Variants in NTAN1 observed in about 807,000 individuals in gnomAD.
The protein encoded by NTAN1 is N-terminal asparagine amidase.
A neutral mutation model predicts 41.9 loss-of-function variants in NTAN1; 32 were observed. That is an observed-to-expected ratio of 0.76 (90% CI 0.58 to 1.03). NTAN1 has a LOEUF of 1.03. Among genes scored for constraint, NTAN1 ranks in the 50% least tolerant of loss-of-function variants. The pLI is 0.00. For synonymous variants in NTAN1, 140 were observed against 139.5 expected (o/e 1.00, Z -0.03); for missense variants, 377 against 377.5 (o/e 1.00, Z 0.01).
intron 4 of NTAN1, chr16:15,047,143 C>G: frequency 2.4e-6 from 1 of 419,510 alleles, no homozygotes; most frequent in Non-Finnish European, 4.3e-6. Context: ...GCTACCACAC[C>G]CGGGGGAGAG....
Position 15,038,570 on chromosome 16 carries a change from T to C in NTAN1, c.753+4A>G. Reference sequence around the variant, plus strand: ...TAAGACTTACCCAGCCTGTAAACTCTCACCTCTAGTATTTGCTTGTCATCT... The same window carrying C: ...TAAGACTTACCCAGCCTGTAAACTCCCACCTCTAGTATTTGCTTGTCATCT... On this transcript the variant is annotated splice_donor_region_variant and intron_variant, in intron 9 of 9. Coordinates refer to ENST00000287706, the MANE Select transcript of NTAN1 (RefSeq NM_173474.4). 1 of 1,489,468 alleles carries C rather than the reference T, an allele frequency of 6.7e-7. No individual in the cohort carries two copies. The highest frequency in any genetic ancestry group is 2.3e-5 in the East Asian group (1 of 44,310). The allele number at this position is 1,489,468 out of a possible 1,614,324, so 92.3% of individuals were successfully genotyped here.
chr16:15,042,372 G>GA (rs1390260247), intron 5 of NTAN1, among the ~76,000 whole-genome samples: 1 of 151,638 alleles, frequency 6.6e-6, no homozygotes, highest in African/African-American at 2.4e-5. Flanking sequence ...TTTCAGTAGA[G>GA]ACAGATGGGG....
At chr16:15,046,755 G>A (rs1316573715) in intron 4 of NTAN1, among the ~76,000 whole-genome samples, 1 of 147,726 alleles carries the variant, frequency 6.8e-6, no homozygotes, top group East Asian at 2.0e-4. Context: ...TACACCTGTG[G>A]TCCCAGCTAC....
chr16:15,044,420 T>G lies in NTAN1; in HGVS notation c.360-13A>C. The G allele has an allele frequency of 1.2e-6, 2 of 1,601,294 alleles. No individual in the cohort carries two copies. Among genetic ancestry groups the G allele is most frequent in the Non-Finnish European group, 1.7e-6 (2 of 1,168,402 alleles). ...GTGTACTTCCAGCCTGGCAAAGAGA[T>G]GAGACGGGTCAGAGGCCAGAAGAAG... On this transcript the variant is annotated splice_polypyrimidine_tract_variant and intron_variant, in intron 4 of 9. Transcript: ENST00000287706.
At chr16:15,050,310 T>A (rs1477459959) in intron 1 of NTAN1, among the ~76,000 whole-genome samples, 1 of 152,240 alleles carries the variant, frequency 6.6e-6, no homozygotes, top group Non-Finnish European at 1.5e-5. Context: ...AACAAAATCT[T>A]CCTCAAATGT....
intron 3 of NTAN1, 119 bp from the exon 4 acceptor site, chr16:15,047,669 G>C (rs571558915): frequency 4.3e-6 from 4 of 929,828 alleles, no homozygotes; most frequent in South Asian, 4.1e-5. Flanking sequence ...GGGGAAAAAC[G>C]GACAGGTCTG....
Position 15,041,576 on chromosome 16 carries a change from G to A in NTAN1, c.487+47C>T, listed in dbSNP as rs755297376. 2.3e-5 allele frequency: 31 copies of A among 1,360,452 alleles called. No homozygotes were observed. In the Admixed American group the frequency reaches 2.7e-4, roughly 12 times the overall value. 84.3% of individuals were successfully genotyped at this position (1,360,452 alleles called of 1,614,324 possible). On this transcript the variant is annotated intron_variant, in intron 6 of 9. Transcript: ENST00000287706. ...CCCACTGCAAGACTGGGGACAAAACGGTCCTGAGACCCACATCTTTGCTTT... is the reference window on the plus strand; with the variant it reads ...CCCACTGCAAGACTGGGGACAAAACAGTCCTGAGACCCACATCTTTGCTTT...
rs764194312 is a variant in NTAN1 at position 15,039,925 on chromosome 16, C to T, written c.639+44G>A. 7.4e-6 allele frequency: 8 copies of T among 1,087,744 alleles called. No homozygotes were observed. In the Admixed American group the frequency reaches 8.8e-5, roughly 12 times the overall value. 67.4% of individuals were successfully genotyped at this position (1,087,744 alleles called of 1,614,324 possible). On this transcript the variant is annotated intron_variant, in intron 8 of 9. Transcript: ENST00000287706. Reference sequence around the variant, plus strand: ...AAACTTAAGGCCTTGACATTTGATGCCTTTTTTTTTTTAACCCCTTAACAA... The same window carrying T: ...AAACTTAAGGCCTTGACATTTGATGTCTTTTTTTTTTTAACCCCTTAACAA...
At chr16:15,054,350 G>GT (rs1170681825) in intron 1 of NTAN1, among the ~76,000 whole-genome samples, 3 of 152,252 alleles carry the variant, frequency 2.0e-5, no homozygotes, top group African/African-American at 7.2e-5. Context: ...AGCAGCCCCG[G>GT]TATGTCACCA....
At chr16:15,047,943 A>G in intron 2 of NTAN1, 23 bp from the exon 3 acceptor site, 1 of 1,609,550 alleles carries the variant, frequency 6.2e-7, no homozygotes, top group South Asian at 1.1e-5. Context: ...GAAATAAAAT[A>G]AAATATCCAA....
intron 1 of NTAN1, among the ~76,000 whole-genome samples, chr16:15,054,638 G>C (rs1321772823): frequency 2.0e-5 from 3 of 152,296 alleles, no homozygotes; most frequent in Middle Eastern, 3.4e-3. Context: ...AGAGCTGTCT[G>C]CCTTCTCCCC....
chr16:15,041,058 C>G lies in NTAN1; in HGVS notation c.541+10G>C. ...AAGACTCCAACCCACAAAAGATGCA[C>G]ACTACTTACCAATGCCATATATTAC... On this transcript the variant is annotated intron_variant, in intron 7 of 9. Coordinates refer to ENST00000287706, the MANE Select transcript of NTAN1 (RefSeq NM_173474.4). 1.3e-6 allele frequency: 2 copies of G among 1,586,064 alleles called. No homozygotes were observed. Among genetic ancestry groups the G allele is most frequent in the Non-Finnish European group, 1.7e-6 (2 of 1,154,372 alleles).
chr16:15,051,219 T>A (rs2044278698), intron 1 of NTAN1, among the ~76,000 whole-genome samples: 1 of 152,252 alleles, frequency 6.6e-6, no homozygotes, highest in South Asian at 2.1e-4. Flanking sequence ...TTGTGAGAAA[T>A]TAATTACTGC....
In NTAN1 at chr16:15,048,089, C is replaced by T; in HGVS notation, c.92G>A (p.Arg31Lys). 8 of 1,598,358 alleles carry T rather than the reference C, an allele frequency of 5.0e-6. No homozygotes were observed. Among genetic ancestry groups the T allele is most frequent in the Non-Finnish European group, 6.8e-6 (8 of 1,169,596 alleles). The change falls in exon 2 of 10, where the codon AGA (arginine) becomes AAA (lysine). Residue 31 changes from arginine to lysine, a missense_variant. Transcript: ENST00000287706. ...RAHPPLEERARLLRGQSVQQV... is the reference protein window; with the variant it reads ...RAHPPLEERAKLLRGQSVQQV... ...TTGAACAGACTGACCTCTGAGAAGT[C>T]TGGCTCTTTCCTGTTTAATTAAAAA...
rs200531224 is a variant in NTAN1 at position 15,038,588 on chromosome 16, T to C, written c.739A>G (p.Lys247Glu). 2.6e-4 allele frequency: 406 copies of C among 1,582,602 alleles called. 3 individuals carry two copies. Among genetic ancestry groups the C allele is most frequent in the Middle Eastern group, 1.5e-3 (9 of 6,000 alleles). Residue 247 changes from lysine (K) to glutamate (E), a missense_variant, in exon 9 of 10, where the codon AAG (lysine) becomes GAG (glutamate). Transcript: ENST00000287706. ...HVDFWLHQDD[K>E]QILENLSTSP... ...TAAACTCTCACCTCTAGTATTTGCT[T>C]GTCATCTTGGTGCAACCAGAAATCC...
Position 15,044,346 on chromosome 16 carries a change from G to C in NTAN1, c.421C>G (p.His141Asp). Residue 141 changes from histidine to aspartate, a missense_variant, in exon 5 of 10, where the codon CAT (histidine) becomes GAT (aspartate). Transcript: ENST00000287706. ...AAAATGAACTTACTAAGAAGTTGAT[G>C]AGTGAGTTTTTGTGACAACTGCCTG... The part of the protein sequence containing the change: ...DDRQLSQKLT[H>D]QLLSEFDRQE... The C allele has an allele frequency of 1.2e-6, 2 of 1,608,780 alleles. No homozygotes were observed. The highest frequency in any genetic ancestry group is 2.7e-5 in the African/African-American group (2 of 74,938).
intron 1 of NTAN1, among the ~76,000 whole-genome samples, chr16:15,055,532 G>A (rs1343420839): frequency 6.6e-6 from 1 of 152,240 alleles, no homozygotes; most frequent in Non-Finnish European, 1.5e-5. Context: ...CCCCGAAGGC[G>A]GGCGGCCGGA....
At position 15,056,048 on chromosome 16, in the gene NTAN1, C is replaced by A. The variant is rs1307115105; in HGVS notation, c.-77G>T. 1.6e-6 allele frequency: 1 copy of A among 607,676 alleles called. No individual in the cohort carries two copies. Among genetic ancestry groups the A allele is most frequent in the Non-Finnish European group, 2.1e-6 (1 of 466,654 alleles). 37.6% of individuals were successfully genotyped at this position (607,676 alleles called of 1,614,324 possible). A position where few individuals can be genotyped will look rare whatever the true frequency, so the allele number is the denominator to read the frequency against. ...GCAGCCCCGGGCCGCCCGCCGCCCC[C>A]GCCCCTCGGGCCGCGCGTCCCGCCT... On this transcript the variant is annotated 5_prime_UTR_variant, in exon 1 of 10. Coordinates refer to ENST00000287706, the MANE Select transcript of NTAN1 (RefSeq NM_173474.4).
rs768735223 is a variant in NTAN1, at chr16:15,050,574, T to A, written c.82-2475A>T. Among the ~76,000 whole-genome samples, 9 of 151,840 alleles carry A rather than the reference T, an allele frequency of 5.9e-5. No individual in the cohort carries two copies. In the South Asian group the frequency reaches 1.9e-3, roughly 32 times the overall value. On this transcript the variant is annotated intron_variant, in intron 1 of 9. Transcript: ENST00000287706. ...AAGGAAGATCCTGTCTCTACAAAAA[T>A]TACAAAAATTAGCTGGGTGTGGTGG...
Sources: gnomAD v4.1 joint callset for allele counts (sites outside exome capture counted in the v4.1 genomes callset) on GRCh38, gnomAD v4.1.1 for gene constraint, MANE v1.5 for transcripts, NCBI Gene and HGNC (gene_info 2026-07-23, HGNC 2026-07-21) for gene names.